FSTL5: variants seen among roughly 807,000 people sequenced by gnomAD.
The protein encoded by FSTL5 is follistatin-related protein 5.
In FSTL5, 62 loss-of-function variants were observed where a neutral mutation model predicts 89.1. The ratio of observed to expected loss-of-function variants is 0.70; its 90% CI spans 0.57 to 0.86. The LOEUF is 0.86. Ranked by LOEUF, FSTL5 falls within the 40% of genes least tolerant of loss-of-function variation. The pLI is 0.00. For missense variants in FSTL5, 1,057 were observed against 1,001.6 expected (o/e 1.06, Z -0.75); for synonymous variants, 383 against 346.2 (o/e 1.11, Z -1.18).
intron 2 of FSTL5, among the ~76,000 whole-genome samples, chr4:162,109,953 C>T (rs1386895925): frequency 1.3e-5 from 2 of 151,944 alleles, no homozygotes; most frequent in African/African-American, 2.4e-5. Flanking sequence ...TATTTCTAAA[C>T]TTCAGCTGGG....
At chr4:161,953,091 G>C (rs1734940978) in intron 3 of FSTL5, among the ~76,000 whole-genome samples, 1 of 151,622 alleles carries the variant, frequency 6.6e-6, no homozygotes, top group Non-Finnish European at 1.5e-5. Context: ...TGGATCAAAG[G>C]ATTATTTTAG....
chr4:161,631,164 T>G (rs897191193), intron 7 of FSTL5, among the ~76,000 whole-genome samples: 13 of 152,340 alleles, frequency 8.5e-5, no homozygotes, highest in African/African-American at 2.6e-4. Flanking sequence ...TTCTATGCCC[T>G]GAGAATAATA....
At chr4:161,738,866 T>G (rs1739908331) in intron 6 of FSTL5, among the ~76,000 whole-genome samples, 1 of 152,194 alleles carries the variant, frequency 6.6e-6, no homozygotes, top group Non-Finnish European at 1.5e-5. Flanking sequence ...ACATATTTGG[T>G]TAAATCACTT....
chr4:161,696,111 A>G lies in FSTL5; in HGVS notation c.728-39617T>C, dbSNP rs907001908. ...TTTCAGGTCTTAGGTTTAAGTCATT[A>G]ATTCATCTTGAGTTGATTTTTGTAT... On this transcript the variant is annotated intron_variant, in intron 6 of 15. Transcript: ENST00000306100. 4.6e-5 allele frequency among the ~76,000 whole-genome samples: 7 copies of G among 152,310 alleles called. No homozygotes were observed. The South Asian group carries it at 8.3e-4, about 18-fold the overall frequency.
intron 4 of FSTL5, among the ~76,000 whole-genome samples, chr4:161,830,850 T>A (rs562454320): frequency 1.3e-5 from 2 of 152,052 alleles, no homozygotes; most frequent in South Asian, 2.1e-4. Flanking sequence ...CTAAAAAAAA[T>A]TGGGGTTGGA....
chr4:161,895,864 G>T (rs1733142202), intron 4 of FSTL5, among the ~76,000 whole-genome samples: 1 of 152,040 alleles, frequency 6.6e-6, no homozygotes, highest in Non-Finnish European at 1.5e-5. Context: ...CAGTATTCAG[G>T]ATTCCAGAGC....
At chr4:161,955,207 A>G in intron 3 of FSTL5, among the ~76,000 whole-genome samples, 1 of 151,696 alleles carries the variant, frequency 6.6e-6, no homozygotes, top group East Asian at 1.9e-4. Context: ...GGGAAAAACA[A>G]TGTCCCCTAC....
chr4:161,467,704 C>T (rs1339552317), intron 13 of FSTL5, among the ~76,000 whole-genome samples: 1 of 151,944 alleles, frequency 6.6e-6, no homozygotes, highest in Non-Finnish European at 1.5e-5. Flanking sequence ...TTCACATACT[C>T]CTAAGGTAAT....
chr4:161,397,250 A>G lies in FSTL5; in HGVS notation c.1842-10801T>C, dbSNP rs28454217. Among the ~76,000 whole-genome samples, 944 of 152,206 alleles carry G rather than the reference A, an allele frequency of 6.2e-3. 5 individuals are homozygous for G. The highest frequency in any genetic ancestry group is 0.021 in the African/African-American group (865 of 41,548). On this transcript the variant is annotated intron_variant, in intron 15 of 15. Transcript: ENST00000306100. ...ATAGTCCTTGTATATGTATATATAC[A>G]TGCACATAAAAACCTCTATATACAC...
At chr4:161,628,561 G>T (rs905574606) in intron 7 of FSTL5, among the ~76,000 whole-genome samples, 1 of 152,116 alleles carries the variant, frequency 6.6e-6, no homozygotes, top group Admixed American at 6.6e-5. Flanking sequence ...AAGGATGAAT[G>T]ATAGTCATAT....
intron 3 of FSTL5, among the ~76,000 whole-genome samples, chr4:162,030,111 C>T (rs1435195418): frequency 6.6e-6 from 1 of 151,612 alleles, no homozygotes; most frequent in East Asian, 1.9e-4. Context: ...TGGTTTTCAC[C>T]ATGTTGGCCA....
chr4:162,143,748 A>ACACACAC (rs1363446909), intron 1 of FSTL5, among the ~76,000 whole-genome samples: 11,611 of 127,588 alleles, frequency 0.091, 677 homozygotes, highest in Non-Finnish European at 0.12. Context: ...ACACACACAC[A>ACACACAC]CCCAGGAAAA....
intron 1 of FSTL5, among the ~76,000 whole-genome samples, chr4:162,131,405 T>C (rs773024784): frequency 1.3e-5 from 2 of 152,212 alleles, no homozygotes; most frequent in Non-Finnish European, 2.9e-5. Flanking sequence ...AAGTTGCTTA[T>C]ATAAAAAATT....
chr4:161,620,590 A>T (rs910856080), intron 7 of FSTL5, among the ~76,000 whole-genome samples: 5 of 152,180 alleles, frequency 3.3e-5, no homozygotes, highest in African/African-American at 1.2e-4. Flanking sequence ...CGAAGGGTGG[A>T]GGTTGAGATG....
At chr4:161,485,418 A>G (rs1007597873) in intron 12 of FSTL5, among the ~76,000 whole-genome samples, 4 of 152,226 alleles carry the variant, frequency 2.6e-5, no homozygotes, top group African/African-American at 4.8e-5. Context: ...ACAACCAGAC[A>G]CTAATCTATG....
chr4:161,629,400 T>C lies in FSTL5; in HGVS notation c.894+26928A>G, dbSNP rs1735423021. Among the ~76,000 whole-genome samples the C allele has an allele frequency of 5.3e-5, 8 of 152,272 alleles. No individual in the cohort carries two copies. The South Asian group carries it at 1.7e-3, about 32-fold the overall frequency. On this transcript the variant is annotated intron_variant, in intron 7 of 15. Transcript: ENST00000306100. The stretch of plus-strand genomic sequence containing the variant: ...TCTTGTCACCCAGGCTGGAGTGCGA[T>C]GGCATGATCTCGGTTCACTGCAACC...
intron 3 of FSTL5, among the ~76,000 whole-genome samples, chr4:161,938,461 C>T (rs1734491560): frequency 6.6e-6 from 1 of 151,846 alleles, no homozygotes; most frequent in African/African-American, 2.4e-5. Context: ...TATGGATATC[C>T]AGCAAAAATG....
At chr4:161,681,299 C>T (rs1737510504) in intron 6 of FSTL5, among the ~76,000 whole-genome samples, 1 of 152,022 alleles carries the variant, frequency 6.6e-6, no homozygotes. Flanking sequence ...GAAAAAACTA[C>T]ATCACTGAAA....
chr4:161,505,648 TG>T (rs1293987588), intron 11 of FSTL5, among the ~76,000 whole-genome samples: 53 of 152,212 alleles, frequency 3.5e-4, no homozygotes, highest in African/African-American at 1.3e-3. Flanking sequence ...TCATAATAAA[TG>T]GCATTGGTTG....
Sources: gnomAD v4.1 joint callset for allele counts (sites outside exome capture counted in the v4.1 genomes callset) on GRCh38, gnomAD v4.1.1 for gene constraint, MANE v1.5 for transcripts, NCBI Gene and HGNC (gene_info 2026-07-23, HGNC 2026-07-21) for gene names.